The following AK7 variants were observed in gnomAD, a reference collection of about 807,000 sequenced individuals.
AK7 encodes adenylate kinase 7.
AK7 carries 78 observed loss-of-function variants against 96.6 expected under a neutral mutation model. The observed-to-expected ratio is 0.81, with a 90% confidence interval of 0.67 to 0.97. AK7 has a LOEUF of 0.97. Ranked by LOEUF, AK7 falls within the 50% of genes least tolerant of loss-of-function variation. AK7 has a pLI of 0.00. For missense variants in AK7, 855 were observed against 887.9 expected (o/e 0.96, Z 0.47); for synonymous variants, 302 against 317.2 (o/e 0.95, Z 0.51).
At chr14:96,425,061 T>C (rs936136456) in intron 5 of AK7, among the ~76,000 whole-genome samples, 8 of 152,250 alleles carry the variant, frequency 5.3e-5, no homozygotes, top group Non-Finnish European at 1.0e-4. Context: ...CACTCTTTTC[T>C]ACACCATTAA....
chr14:96,463,589 G>C (rs528561535), intron 12 of AK7, among the ~76,000 whole-genome samples: 2 of 151,738 alleles, frequency 1.3e-5, no homozygotes, highest in Non-Finnish European at 2.9e-5. Context: ...GTGTGGTGGC[G>C]GGCGCCTGTA....
intron 6 of AK7, 48 bp from the exon 7 acceptor site, chr14:96,442,682 C>A: frequency 7.2e-7 from 1 of 1,389,814 alleles, no homozygotes; most frequent in Non-Finnish European, 1.0e-6. Context: ...GCTGTAATAG[C>A]CATCCACATA....
chr14:96,488,237 A>T, intron 17 of AK7, 68 bp from the exon 18 acceptor site: 1 of 1,447,130 alleles, frequency 6.9e-7, no homozygotes, highest in Non-Finnish European at 9.6e-7. Flanking sequence ...AATTGTAAAC[A>T]TTACTAATAC....
intron 15 of AK7, among the ~76,000 whole-genome samples, chr14:96,480,286 G>T (rs1280329166): frequency 6.6e-6 from 1 of 152,098 alleles, no homozygotes; most frequent in Non-Finnish European, 1.5e-5. Context: ...ACACAAATTA[G>T]CTGGGCGTGG....
At chr14:96,408,151 A>T (rs1890832181) in intron 3 of AK7, among the ~76,000 whole-genome samples, 1 of 152,290 alleles carries the variant, frequency 6.6e-6, no homozygotes. Flanking sequence ...CACACCCCGA[A>T]TTACTTCCTT....
At chr14:96,408,804 T>C (rs1416015530) in intron 3 of AK7, 43 bp from the exon 4 acceptor site, 1 of 1,593,808 alleles carries the variant, frequency 6.3e-7, no homozygotes, top group Non-Finnish European at 8.6e-7. Flanking sequence ...GAAACCAAGT[T>C]GTGCATGGGT....
In AK7 at chr14:96,471,754, T is replaced by C. The variant is rs551761669; in HGVS notation, c.1486+148T>C. The stretch of plus-strand genomic sequence containing the variant: ...TGGCTCACCTTTCTTTACGTAGCTT[T>C]TTTTTTTCTTTTTTTTTCCCCCTGG... On this transcript the variant is annotated intron_variant, in intron 13 of 17. Coordinates refer to ENST00000267584, the MANE Select transcript of AK7 (RefSeq NM_152327.5). 101 of 620,388 alleles carry C rather than the reference T, an allele frequency of 1.6e-4. 1 individual carries two copies. In the East Asian group the frequency reaches 3.5e-3, roughly 22 times the overall value. 38.4% of individuals were successfully genotyped at this position (620,388 alleles called of 1,614,324 possible). A position where few individuals can be genotyped will look rare whatever the true frequency, so the allele number is the denominator to read the frequency against.
chr14:96,428,991 G>C (rs1247196245), intron 5 of AK7, among the ~76,000 whole-genome samples: 1 of 152,140 alleles, frequency 6.6e-6, no homozygotes, highest in Non-Finnish European at 1.5e-5. Flanking sequence ...GTCTATTTTG[G>C]CTTCTGTTGC....
At chr14:96,424,285 C>A (rs1425669794) in intron 5 of AK7, 1 of 410,160 alleles carries the variant, frequency 2.4e-6, no homozygotes, top group East Asian at 6.2e-5. Flanking sequence ...AGCGGCGACA[C>A]GGGGGTCTCC....
At chr14:96,459,407 G>C (rs943642551) in intron 12 of AK7, among the ~76,000 whole-genome samples, 2 of 152,044 alleles carry the variant, frequency 1.3e-5, no homozygotes, top group African/African-American at 4.8e-5. Flanking sequence ...AGGTTGCAGT[G>C]AGCCAAGATC....
intron 2 of AK7, among the ~76,000 whole-genome samples, chr14:96,400,030 C>CTTTTTTTT (rs34001068): frequency 1.2e-5 from 1 of 86,346 alleles, no homozygotes; most frequent in Non-Finnish European, 2.2e-5. Flanking sequence ...CAAAAACAAT[C>CTTTTTTTT]TTTTTTTTTT....
intron 4 of AK7, among the ~76,000 whole-genome samples, chr14:96,418,464 A>T (rs1354549433): frequency 2.3e-5 from 3 of 130,026 alleles, no homozygotes; most frequent in Non-Finnish European, 5.2e-5. Flanking sequence ...GCTTGGCTCC[A>T]GTCATTTTCT....
At chr14:96,481,814 C>T (rs1213710565) in intron 15 of AK7, among the ~76,000 whole-genome samples, 1 of 151,356 alleles carries the variant, frequency 6.6e-6, no homozygotes, top group Non-Finnish European at 1.5e-5. Context: ...AAGTGATCCT[C>T]CTGCCTAAGC....
chr14:96,450,431 TA>T (rs34353872), intron 9 of AK7, among the ~76,000 whole-genome samples: 32,527 of 138,140 alleles, frequency 0.24, 3,698 homozygotes, highest in East Asian at 0.48. Context: ...TAAAAAAAAT[TA>T]AAAAAAAAAA....
intron 2 of AK7, 121 bp downstream of exon 2, chr14:96,398,384 G>A: frequency 1.9e-6 from 2 of 1,043,620 alleles, no homozygotes; most frequent in Non-Finnish European, 1.4e-6. Flanking sequence ...ACATGGCCAG[G>A]TTGAGGGAAT....
intron 2 of AK7, among the ~76,000 whole-genome samples, chr14:96,404,061 T>C (rs1250007724): frequency 6.6e-6 from 1 of 150,738 alleles, no homozygotes. Context: ...TGAGAACCAC[T>C]TGGACCTGGG....
chr14:96,454,609 A>G (rs1158793447), intron 10 of AK7, among the ~76,000 whole-genome samples: 4 of 152,048 alleles, frequency 2.6e-5, no homozygotes, highest in African/African-American at 4.8e-5. Context: ...CTGGGCCACC[A>G]AGTAGCTGGG....
At chr14:96,427,249 A>G (rs1238472420) in intron 5 of AK7, among the ~76,000 whole-genome samples, 2 of 152,302 alleles carry the variant, frequency 1.3e-5, no homozygotes, top group East Asian at 1.9e-4. Flanking sequence ...CCGTCTCAAA[A>G]ACAAACAAAA....
intron 12 of AK7, among the ~76,000 whole-genome samples, chr14:96,468,276 C>T (rs1452272617): frequency 2.1e-5 from 3 of 143,680 alleles, no homozygotes; most frequent in Non-Finnish European, 4.5e-5. Context: ...CCTACAAATA[C>T]ATAGCTTTTG....
Sources: gnomAD v4.1 joint callset for allele counts (sites outside exome capture counted in the v4.1 genomes callset) on GRCh38, gnomAD v4.1.1 for gene constraint, MANE v1.5 for transcripts, NCBI Gene and HGNC (gene_info 2026-07-23, HGNC 2026-07-21) for gene names.